Variants in AGAP1 observed in about 807,000 individuals in gnomAD.
The protein encoded by AGAP1 is ArfGAP with GTPase domain, ankyrin repeat and PH domain 1.
AGAP1 carries 29 observed loss-of-function variants against 105.3 expected under a neutral mutation model. The observed-to-expected ratio is 0.28, with a 90% CI of 0.21 to 0.38. The LOEUF (loss-of-function observed/expected upper bound fraction) is 0.38, where lower values mean the gene tolerates loss of function less well. Ranked by LOEUF, AGAP1 falls within the 10% of genes least tolerant of loss-of-function variation. The probability of loss-of-function intolerance (pLI) is 1.00; values close to 1 mark genes in which losing one functional copy is unlikely to be tolerated. For synonymous variants in AGAP1, 509 were observed against 485.9 expected (o/e 1.05, Z -0.63); for missense variants, 998 against 1,165.1 (o/e 0.86, Z 2.09).
intron 1 of AGAP1, among the ~76,000 whole-genome samples, chr2:235,669,278 A>G (rs1948235992): frequency 6.6e-6 from 1 of 152,138 alleles, no homozygotes. Flanking sequence ...CTGTTTTTTA[A>G]ACAAGTCACA....
In AGAP1 at chr2:235,720,689, C is replaced by A. The variant is rs1251829754; in HGVS notation, c.310+3045C>A. On this transcript the variant is annotated intron_variant, in intron 3 of 17. Transcript: ENST00000304032. This position sits in a 1 kb window ranked among gnomAD's most constrained non-coding sequence, Gnocchi z 5.0. ...CTCCCTGCGCTTCTTAATGTCTGTG[C>A]CCTGTTCTTCTGATTTAATTAGTGC... The A allele has an allele frequency of 2.0e-6, 2 of 985,250 alleles. No individual in the cohort carries two copies. Among genetic ancestry groups the A allele is most frequent in the Admixed American group, 6.1e-5 (1 of 16,272 alleles). 61.0% of individuals were successfully genotyped at this position (985,250 alleles called of 1,614,324 possible).
intron 9 of AGAP1, among the ~76,000 whole-genome samples, chr2:235,881,467 A>G (rs1451613589): frequency 6.6e-6 from 1 of 152,252 alleles, no homozygotes; most frequent in Non-Finnish European, 1.5e-5. Context: ...TTAAGGTTAC[A>G]TAAGTTTATA....
Position 235,852,962 on chromosome 2 carries a change from C to A in AGAP1, c.1051-30383C>A, listed in dbSNP as rs1029181083. ...CTGATAGACCTTTGACACCTTCCAA[C>A]AAAGAGGTTACAGGAGGGAGAGCTG... is the stretch of plus-strand genomic sequence containing the variant. On this transcript the variant is annotated intron_variant, in intron 9 of 17. Transcript: ENST00000304032. The A allele has an allele frequency of 2.4e-6, 3 of 1,263,826 alleles. No homozygotes were observed. In the East Asian group the frequency reaches 9.4e-5, roughly 40 times the overall value. The allele number at this position is 1,263,826 out of a possible 1,614,324, so 78.3% of individuals were successfully genotyped here. A position where few individuals can be genotyped will look rare whatever the true frequency, so the allele number is the denominator to read the frequency against.
rs1171479566 is a variant in AGAP1, at chr2:235,887,726, G to A, written c.1155+4277G>A. On this transcript the variant is annotated intron_variant, in intron 10 of 17. Transcript: ENST00000304032. This position sits in a 1 kb window ranked among gnomAD's most constrained non-coding sequence, Gnocchi z 4.1. Reference sequence around the variant, plus strand: ...TAGTTTTCTACAAAGATGTAAACGGGTATCAATAGTGAGGTTGCTGCACCG... The same window carrying A: ...TAGTTTTCTACAAAGATGTAAACGGATATCAATAGTGAGGTTGCTGCACCG... 6.6e-6 allele frequency among the ~76,000 whole-genome samples: 1 copy of A among 152,170 alleles called. No homozygotes were observed. Among genetic ancestry groups the A allele is most frequent in the Non-Finnish European group, 1.5e-5 (1 of 68,038 alleles).
At chr2:235,923,666 G>A (rs1244563179) in intron 11 of AGAP1, among the ~76,000 whole-genome samples, 1 of 152,192 alleles carries the variant, frequency 6.6e-6, no homozygotes, top group Non-Finnish European at 1.5e-5. Context: ...CGCAGTTGTG[G>A]CCCGTGTCAG....
intron 2 of AGAP1, among the ~76,000 whole-genome samples, chr2:235,717,303 C>G (rs994369444): frequency 6.6e-6 from 1 of 152,192 alleles, no homozygotes; most frequent in African/African-American, 2.4e-5. Flanking sequence ...GGAAGAATGC[C>G]AAACCAGTGT....
At chr2:235,878,187 C>T (rs2049840606) in intron 9 of AGAP1, among the ~76,000 whole-genome samples, 1 of 152,236 alleles carries the variant, frequency 6.6e-6, no homozygotes, top group South Asian at 2.1e-4. Context: ...CTCCATCCAA[C>T]CCCAGTGACT....
chr2:235,703,418 C>T (rs868297867), intron 1 of AGAP1, among the ~76,000 whole-genome samples: 4 of 152,086 alleles, frequency 2.6e-5, no homozygotes, highest in Non-Finnish European at 5.9e-5. Context: ...CTCTTTAATC[C>T]TACCCCCAAA....
intron 1 of AGAP1, among the ~76,000 whole-genome samples, chr2:235,681,960 C>G (rs541748922): frequency 2.0e-5 from 3 of 147,758 alleles, no homozygotes; most frequent in South Asian, 4.5e-4. Flanking sequence ...AAGCAATTCT[C>G]TGCCTCAGCC....
rs967558579 is a variant in AGAP1 at position 235,542,431 on chromosome 2, C to T, written c.163+47582C>T. Among the ~76,000 whole-genome samples, 9 of 152,296 alleles carry T rather than the reference C, an allele frequency of 5.9e-5. No individual in the cohort carries two copies. In the South Asian group the frequency reaches 1.0e-3, roughly 18 times the overall value. On this transcript the variant is annotated intron_variant, in intron 1 of 17. Coordinates refer to ENST00000304032, the MANE Select transcript of AGAP1 (RefSeq NM_001037131.3). ...CAGCTTCAGACAGCGCCATCTCTACCGGATCAAAAGAGCTCATCAACTCCC... is the reference window on the plus strand; with the variant it reads ...CAGCTTCAGACAGCGCCATCTCTACTGGATCAAAAGAGCTCATCAACTCCC...
chr2:235,908,383 A>G lies in AGAP1; in HGVS notation c.1156-355A>G, dbSNP rs2051408179. ...ATGGTTTCCTACTCCATGGAATTTTACTTGGAATTTATAGGAGGAGCCTAA... is the reference window on the plus strand; with the variant it reads ...ATGGTTTCCTACTCCATGGAATTTTGCTTGGAATTTATAGGAGGAGCCTAA... On this transcript the variant is annotated intron_variant, in intron 10 of 17. Coordinates refer to ENST00000304032, the MANE Select transcript of AGAP1 (RefSeq NM_001037131.3). This position sits in a 1 kb window ranked among gnomAD's most constrained non-coding sequence, Gnocchi z 4.4. Among the ~76,000 whole-genome samples, 1 of 152,202 alleles carries G rather than the reference A, an allele frequency of 6.6e-6. No homozygotes were observed. Among genetic ancestry groups the G allele is most frequent in the Non-Finnish European group, 1.5e-5 (1 of 68,040 alleles).
At chr2:236,107,193 G>A (rs925380730) in intron 16 of AGAP1, among the ~76,000 whole-genome samples, 1 of 151,076 alleles carries the variant, frequency 6.6e-6, no homozygotes, top group Admixed American at 6.6e-5. Context: ...GCCTCCAGAG[G>A]GAAAACTGAA....
chr2:235,899,632 A>G (rs2050969117), intron 10 of AGAP1, among the ~76,000 whole-genome samples: 1 of 152,202 alleles, frequency 6.6e-6, no homozygotes, highest in Non-Finnish European at 1.5e-5. Flanking sequence ...ATTTCCTTAT[A>G]AGTCAAAATT....
chr2:235,516,055 T>TCCTG (rs368215040), intron 1 of AGAP1, among the ~76,000 whole-genome samples: 3 of 138,630 alleles, frequency 2.2e-5, no homozygotes, highest in Admixed American at 7.1e-5. Context: ...CATGGGCTCC[T>TCCTG]CTGCTGCTGC....
At chr2:236,112,437 A>C (rs1026032030) in intron 16 of AGAP1, among the ~76,000 whole-genome samples, 2 of 151,372 alleles carry the variant, frequency 1.3e-5, no homozygotes. Context: ...AGGAAAACGA[A>C]AGAAAAGCTC....
At chr2:236,108,355 C>T (rs2059555073) in intron 16 of AGAP1, among the ~76,000 whole-genome samples, 1 of 152,214 alleles carries the variant, frequency 6.6e-6, no homozygotes, top group Non-Finnish European at 1.5e-5. Context: ...GCTGCTAGCC[C>T]TCTTTTCTCT....
At chr2:235,647,145 C>T (rs1947420080) in intron 1 of AGAP1, among the ~76,000 whole-genome samples, 1 of 149,660 alleles carries the variant, frequency 6.7e-6, no homozygotes, top group South Asian at 2.1e-4. Context: ...AAAGAAAAGT[C>T]AAGAGTCTTC....
intron 16 of AGAP1, among the ~76,000 whole-genome samples, chr2:236,107,662 C>G (rs569387777): frequency 2.6e-5 from 4 of 152,310 alleles, no homozygotes; most frequent in African/African-American, 9.6e-5. Flanking sequence ...AACTGGCCCT[C>G]CCCTTGCCTC....
At chr2:235,923,104 A>T (rs1429388301) in intron 11 of AGAP1, among the ~76,000 whole-genome samples, 1 of 152,122 alleles carries the variant, frequency 6.6e-6, no homozygotes, top group Non-Finnish European at 1.5e-5. Flanking sequence ...GGGGTATTTG[A>T]GGAAACACTC....
Sources: allele counts gnomAD v4.1 joint callset (sites outside exome capture counted in the v4.1 genomes callset), GRCh38; gene constraint gnomAD v4.1.1; non-coding constraint Gnocchi (gnomAD v3.1); transcripts MANE v1.5; gene names NCBI Gene and HGNC (gene_info 2026-07-23, HGNC 2026-07-21).